Variants in DOK5 observed in about 807,000 individuals in gnomAD.
DOK5 encodes downstream of tyrosine kinase 5.
Under a neutral mutation model 43.3 loss-of-function variants are expected in DOK5, and 27 were observed. The observed-to-expected ratio is 0.62, with a 90% confidence interval of 0.46 to 0.86. DOK5 has a LOEUF of 0.86. Ranked by LOEUF, DOK5 falls within the 40% of genes least tolerant of loss-of-function variation. DOK5 has a pLI of 0.00. For missense variants in DOK5, 373 were observed against 392.9 expected (o/e 0.95, Z 0.43); for synonymous variants, 146 against 140.1 (o/e 1.04, Z -0.30).
chr20:54,602,012 C>T (rs571433394), intron 5 of DOK5, among the ~76,000 whole-genome samples: 2 of 152,216 alleles, frequency 1.3e-5, no homozygotes, highest in East Asian at 3.9e-4. Flanking sequence ...CATTCCCATA[C>T]TTCTTAGTCA....
chr20:54,497,668 C>CCA (rs1982452009), intron 1 of DOK5, among the ~76,000 whole-genome samples: 1 of 152,018 alleles, frequency 6.6e-6, no homozygotes, highest in African/African-American at 2.4e-5. Flanking sequence ...ACAAATGTGT[C>CCA]CACATATATA....
intron 5 of DOK5, among the ~76,000 whole-genome samples, chr20:54,593,470 A>G (rs985362690): frequency 2.0e-5 from 3 of 152,222 alleles, no homozygotes; most frequent in African/African-American, 7.2e-5. Flanking sequence ...ATCACAAAAA[A>G]TAAACCTTTA....
chr20:54,594,677 TC>T (rs1305501079), intron 5 of DOK5, among the ~76,000 whole-genome samples: 1 of 152,172 alleles, frequency 6.6e-6, no homozygotes, highest in Non-Finnish European at 1.5e-5. Context: ...TATTTTAAAA[TC>T]TTTTTTTATT....
chr20:54,645,198 T>C (rs776592404), intron 7 of DOK5, among the ~76,000 whole-genome samples: 2 of 151,826 alleles, frequency 1.3e-5, no homozygotes, highest in Non-Finnish European at 2.9e-5. Flanking sequence ...AATAATTGAA[T>C]GCAAGAATGA....
At chr20:54,642,563 A>G (rs1037341160) in intron 6 of DOK5, among the ~76,000 whole-genome samples, 1 of 141,766 alleles carries the variant, frequency 7.1e-6, no homozygotes, top group Non-Finnish European at 1.5e-5. Context: ...AAAAAAAAAA[A>G]AAAAAGAAAA....
chr20:54,548,406 A>ATT lies in DOK5; in HGVS notation c.67-6517_67-6516dup, dbSNP rs956813498. On this transcript the variant is annotated intron_variant, in intron 1 of 7. Coordinates refer to ENST00000262593, the MANE Select transcript of DOK5 (RefSeq NM_018431.5). Reference sequence around the variant, plus strand: ...ATGCACTACCACACCTAATTTTTGTATTTTTTTTTTTATAGAGATAGGATT... The same window carrying ATT: ...ATGCACTACCACACCTAATTTTTGTATTTTTTTTTTTTTATAGAGATAGGATT... 4.7e-3 allele frequency among the ~76,000 whole-genome samples: 673 copies of ATT among 144,694 alleles called. 4 individuals carry two copies. The highest frequency in any genetic ancestry group is 0.016 in the African/African-American group (647 of 39,748). 94.9% of individuals were successfully genotyped at this position (144,694 alleles called of 152,430 possible).
chr20:54,606,342 C>A (rs1986468021), intron 5 of DOK5, among the ~76,000 whole-genome samples: 1 of 152,062 alleles, frequency 6.6e-6, no homozygotes, highest in African/African-American at 2.4e-5. Context: ...GTTTGGGCCA[C>A]TTGGGGCCAC....
At chr20:54,576,109 G>A (rs1191280541) in intron 2 of DOK5, among the ~76,000 whole-genome samples, 1 of 152,050 alleles carries the variant, frequency 6.6e-6, no homozygotes, top group Non-Finnish European at 1.5e-5. Context: ...AAAGAGGACT[G>A]AAAATATTCC....
At chr20:54,553,290 G>A (rs1478042602) in intron 1 of DOK5, among the ~76,000 whole-genome samples, 6 of 152,050 alleles carry the variant, frequency 3.9e-5, no homozygotes, top group African/African-American at 7.2e-5. Context: ...CCGCCTCCCG[G>A]GTTCACGCCA....
In DOK5 at chr20:54,475,884, C is replaced by G. The variant is rs1981398569; in HGVS notation, c.-63C>G. 2 of 1,597,138 alleles carry G rather than the reference C, an allele frequency of 1.3e-6. No homozygotes were observed. The highest frequency in any genetic ancestry group is 1.1e-5 in the South Asian group (1 of 88,506). On this transcript the variant is annotated 5_prime_UTR_variant, in exon 1 of 8. Coordinates refer to ENST00000262593, the MANE Select transcript of DOK5 (RefSeq NM_018431.5). This position sits in a 1 kb window ranked among gnomAD's most constrained non-coding sequence, Gnocchi z 4.2. ...CTGCTTGTCTTGACCCTGCCCTCCA[C>G]CCTCCCCAGAGCCACTTCGGGTGCG...
chr20:54,634,840 C>T (rs1362538586), intron 6 of DOK5, among the ~76,000 whole-genome samples: 1 of 151,610 alleles, frequency 6.6e-6, no homozygotes, highest in Admixed American at 6.6e-5. Flanking sequence ...CCCTTTCAAA[C>T]TGTACAATTT....
chr20:54,632,005 A>G (rs369999954), intron 6 of DOK5, among the ~76,000 whole-genome samples: 39 of 152,298 alleles, frequency 2.6e-4, no homozygotes, highest in African/African-American at 7.9e-4. Flanking sequence ...CAAAATGGTA[A>G]TGGGTAATAA....
At chr20:54,542,616 A>C (rs1311875261) in intron 1 of DOK5, among the ~76,000 whole-genome samples, 4 of 152,228 alleles carry the variant, frequency 2.6e-5, no homozygotes, top group African/African-American at 9.6e-5. Context: ...TATTGATTCC[A>C]TCAGAATGTT....
At chr20:54,647,019 C>T (rs954424917) in intron 7 of DOK5, among the ~76,000 whole-genome samples, 7 of 151,898 alleles carry the variant, frequency 4.6e-5, no homozygotes, top group African/African-American at 1.5e-4. Flanking sequence ...TCGAGAGCCC[C>T]CTGCTGGTTG....
intron 6 of DOK5, among the ~76,000 whole-genome samples, chr20:54,611,745 C>T (rs555467655): frequency 4.5e-4 from 68 of 152,196 alleles, no homozygotes; most frequent in Middle Eastern, 3.4e-3. Flanking sequence ...AAAGGAATTG[C>T]GTTGGCAAGA....
chr20:54,479,775 C>T (rs1451476918), intron 1 of DOK5, among the ~76,000 whole-genome samples: 1 of 152,148 alleles, frequency 6.6e-6, no homozygotes, highest in Non-Finnish European at 1.5e-5. Flanking sequence ...TTGGATGACT[C>T]ACAGACCTGC....
intron 5 of DOK5, among the ~76,000 whole-genome samples, chr20:54,594,773 A>G (rs1326625071): frequency 6.6e-6 from 1 of 152,246 alleles, no homozygotes; most frequent in Admixed American, 6.5e-5. Flanking sequence ...AAACTTTATT[A>G]GTATCTCATA....
chr20:54,605,900 C>T (rs918521414), intron 5 of DOK5, among the ~76,000 whole-genome samples: 15 of 152,210 alleles, frequency 9.9e-5, no homozygotes, highest in Non-Finnish European at 1.3e-4. Context: ...TTAATACTTG[C>T]AGTAAATCTA....
chr20:54,621,657 C>G (rs935376984), intron 6 of DOK5, among the ~76,000 whole-genome samples: 3 of 151,010 alleles, frequency 2.0e-5, no homozygotes, highest in African/African-American at 7.3e-5. Flanking sequence ...CCACTGCGCT[C>G]TAGCCTGGGC....
Sources: gnomAD v4.1 joint callset for allele counts (sites outside exome capture counted in the v4.1 genomes callset) on GRCh38, gnomAD v4.1.1 for gene constraint, Gnocchi (gnomAD v3.1) non-coding constraint, MANE v1.5 for transcripts, NCBI Gene and HGNC (gene_info 2026-07-23, HGNC 2026-07-21) for gene names.